The following PPP1R36 variants were observed in gnomAD, a reference collection of about 807,000 sequenced individuals.
PPP1R36 encodes the protein chromosome 14 open reading frame 50.
A neutral mutation model predicts 53.4 loss-of-function variants in PPP1R36; 47 were observed. The ratio of observed to expected loss-of-function variants is 0.88; its 90% CI spans 0.70 to 1.12. PPP1R36 has a LOEUF of 1.12. Among genes scored for constraint, PPP1R36 ranks in the 50% most tolerant of loss-of-function variants. The probability of loss-of-function intolerance (pLI) is 0.00; values close to 1 mark genes in which losing one functional copy is unlikely to be tolerated. For synonymous variants in PPP1R36, 153 were observed against 170.5 expected (o/e 0.90, Z 0.80); for missense variants, 456 against 513.9 (o/e 0.89, Z 1.09).
At chr14:64,582,902 T>G (rs1451030235) in intron 8 of PPP1R36, among the ~76,000 whole-genome samples, 1 of 150,028 alleles carries the variant, frequency 6.7e-6, no homozygotes, top group African/African-American at 2.4e-5. Flanking sequence ...TTATTTTTTA[T>G]TTTTTTTGAG....
At chr14:64,564,600 G>C (rs2080233754) in intron 3 of PPP1R36, 151 bp from the exon 4 acceptor site, 1 of 472,386 alleles carries the variant, frequency 2.1e-6, no homozygotes, top group Non-Finnish European at 3.7e-6. Context: ...CTCTAGATAA[G>C]TGTTCCATAT....
chr14:64,557,799 A>G (rs1652799481), intron 3 of PPP1R36, among the ~76,000 whole-genome samples: 1 of 152,178 alleles, frequency 6.6e-6, no homozygotes, highest in African/African-American at 2.4e-5. Context: ...TCATGAAGTC[A>G]GGAGTTCAAG....
In PPP1R36 at chr14:64,589,177, T is replaced by C. The variant is rs754757598; in HGVS notation, c.1108T>C (p.Cys370Arg). 1.2e-6 allele frequency: 2 copies of C among 1,612,686 alleles called. No individual in the cohort carries two copies. The highest frequency in any genetic ancestry group is 1.7e-6 in the Non-Finnish European group (2 of 1,179,650). The stretch of plus-strand genomic sequence containing the variant: ...AGTTGGCATCTTGGGGGAGCCTCGA[T>C]GTCTATTCAACCCACATACGCTTCA... ...PVVGILGEPR[C>R]LFNPHTLHPL... The change falls in exon 12 of 12, where the codon TGT (cysteine) becomes CGT (arginine). Residue 370 changes from cysteine (C) to arginine (R), a missense_variant. By Grantham distance (180) the Cys-to-Arg change is radical. Coordinates refer to ENST00000298705, the MANE Select transcript of PPP1R36 (RefSeq NM_172365.3).
chr14:64,584,893 C>T (rs80039701), intron 8 of PPP1R36, among the ~76,000 whole-genome samples: 2,701 of 152,268 alleles, frequency 0.018, 71 homozygotes, highest in African/African-American at 0.062. Flanking sequence ...GTGCAGTACC[C>T]GGCACATAGT....
In PPP1R36 at chr14:64,553,823, T is replaced by TAAAAAAA. The variant is rs11441855; in HGVS notation, c.182+974_182+980dup. Among the ~76,000 whole-genome samples, 20 of 82,348 alleles carry TAAAAAAA rather than the reference T, an allele frequency of 2.4e-4. 1 individual carries two copies. Among genetic ancestry groups the TAAAAAAA allele is most frequent in the East Asian group, 7.7e-4 (2 of 2,588 alleles). 54.0% of individuals were successfully genotyped at this position (82,348 alleles called of 152,430 possible). On this transcript the variant is annotated intron_variant, in intron 3 of 11. Coordinates refer to ENST00000298705, the MANE Select transcript of PPP1R36 (RefSeq NM_172365.3). ...CACCTTACTACGTGTAAGTTATAAC[T>TAAAAAAA]AAAAAAAAAAAAAAAAAACAACAAC...
chr14:64,561,822 T>C (rs2080207618), intron 3 of PPP1R36: 1 of 455,996 alleles, frequency 2.2e-6, no homozygotes, highest in Non-Finnish European at 4.4e-6. Context: ...GAACCAGCAG[T>C]CTGCCTGAAT....
At chr14:64,577,140 G>A (rs1000166424) in intron 8 of PPP1R36, among the ~76,000 whole-genome samples, 2 of 152,184 alleles carry the variant, frequency 1.3e-5, no homozygotes, top group Non-Finnish European at 2.9e-5. Context: ...GCTTCTCATT[G>A]TATCCTCACC....
At position 64,574,605 on chromosome 14, in the gene PPP1R36, C is replaced by G; in HGVS notation, c.668+16C>G. 1 of 1,602,890 alleles carries G rather than the reference C, an allele frequency of 6.2e-7. No homozygotes were observed. The highest frequency in any genetic ancestry group is 8.5e-7 in the Non-Finnish European group (1 of 1,175,926). On this transcript the variant is annotated intron_variant, in intron 8 of 11. Transcript: ENST00000298705. The stretch of plus-strand genomic sequence containing the variant: ...GCTGTGGAAAGTAAGCAGATACTTA[C>G]ACTTCATTAGATCATCACTCCATCA...
chr14:64,584,529 A>C (rs1364741786), intron 8 of PPP1R36, among the ~76,000 whole-genome samples: 1 of 152,216 alleles, frequency 6.6e-6, no homozygotes, highest in African/African-American at 2.4e-5. Flanking sequence ...CTCAGGTGGC[A>C]CAGAGAAGAA....
intron 3 of PPP1R36, among the ~76,000 whole-genome samples, chr14:64,560,552 G>T (rs1318313115): frequency 6.6e-6 from 1 of 152,056 alleles, no homozygotes; most frequent in Admixed American, 6.6e-5. Context: ...AAACTCAGTT[G>T]ACAGATGGCT....
chr14:64,554,417 C>T (rs2080129461), intron 3 of PPP1R36, among the ~76,000 whole-genome samples: 1 of 152,150 alleles, frequency 6.6e-6, no homozygotes, highest in African/African-American at 2.4e-5. Flanking sequence ...TCCCAAAGTG[C>T]TGGGATTACA....
intron 9 of PPP1R36, 131 bp downstream of exon 9, chr14:64,587,010 C>T (rs1596751160): frequency 1.2e-6 from 1 of 813,168 alleles, no homozygotes. Flanking sequence ...ATATGCTATA[C>T]CTTAAATTGT....
chr14:64,587,790 A>C (rs1223699730), intron 10 of PPP1R36, among the ~76,000 whole-genome samples: 3 of 150,558 alleles, frequency 2.0e-5, no homozygotes, highest in Non-Finnish European at 3.0e-5. Context: ...ACAGGATCTC[A>C]TTCCGTCACC....
rs1160389288 is a variant in PPP1R36, at chr14:64,568,355, G to C, written c.441G>C (p.Lys147Asn). The C allele has an allele frequency of 6.9e-7, 1 of 1,448,772 alleles. No homozygotes were observed. The highest frequency in any genetic ancestry group is 9.5e-7 in the Non-Finnish European group (1 of 1,057,696). The allele number at this position is 1,448,772 out of a possible 1,614,324, so 89.7% of individuals were successfully genotyped here. A position where few individuals can be genotyped will look rare whatever the true frequency, so the allele number is the denominator to read the frequency against. The change falls in exon 7 of 12, where the codon AAG (lysine) becomes AAC (asparagine). Residue 147 changes from lysine (K) to asparagine (N), a missense_variant. Lys to Asn is a moderately conservative substitution (Grantham distance 94). Coordinates refer to ENST00000298705, the MANE Select transcript of PPP1R36 (RefSeq NM_172365.3). ...GTTTCAAATCTCCCCATAGGAATAA[G>C]AATCTTGATAATTTCCTCATGGCAT... is the stretch of plus-strand genomic sequence containing the variant. ...ICSFTTFMRN[K>N]NLDNFLMALL...
chr14:64,553,048 T>C (rs939611069), intron 3 of PPP1R36, among the ~76,000 whole-genome samples, 187 bp downstream of exon 3: 6 of 152,070 alleles, frequency 3.9e-5, no homozygotes, highest in African/African-American at 1.4e-4. Flanking sequence ...CTTGGCTCAC[T>C]ACAGCCTTGA....
At chr14:64,554,387 G>A (rs189738701) in intron 3 of PPP1R36, among the ~76,000 whole-genome samples, 2 of 152,178 alleles carry the variant, frequency 1.3e-5, no homozygotes, top group Non-Finnish European at 2.9e-5. Flanking sequence ...CCGACCTCAG[G>A]TGATCCACCC....
chr14:64,565,544 A>G, intron 5 of PPP1R36, 82 bp from the exon 6 acceptor site: 1 of 1,415,366 alleles, frequency 7.1e-7, no homozygotes, highest in Non-Finnish European at 1.0e-6. Flanking sequence ...TCTACATATA[A>G]CATCCATACA....
At chr14:64,588,944 G>C (rs1218755601) in intron 11 of PPP1R36, among the ~76,000 whole-genome samples, 1 of 152,138 alleles carries the variant, frequency 6.6e-6, no homozygotes, top group African/African-American at 2.4e-5. Context: ...ACAAAATCTT[G>C]CTAAGGATTT....
chr14:64,555,060 C>T lies in PPP1R36; in HGVS notation c.182+2199C>T, dbSNP rs949298459. The stretch of plus-strand genomic sequence containing the variant: ...ATTATTTAAAATCATACTATTTAAC[C>T]GTTTTCTTGTTTGCCTAGAGAATAC... On this transcript the variant is annotated intron_variant, in intron 3 of 11. Coordinates refer to ENST00000298705, the MANE Select transcript of PPP1R36 (RefSeq NM_172365.3). 8.6e-5 allele frequency among the ~76,000 whole-genome samples: 13 copies of T among 152,008 alleles called. 1 individual carries two copies. Among genetic ancestry groups the T allele is most frequent in the South Asian group, 8.3e-4 (4 of 4,800 alleles).
Sources: gnomAD v4.1 joint callset for allele counts (sites outside exome capture counted in the v4.1 genomes callset) on GRCh38, gnomAD v4.1.1 for gene constraint, MANE v1.5 for transcripts, NCBI Gene and HGNC (gene_info 2026-07-23, HGNC 2026-07-21) for gene names.